PTPRT: variants seen among roughly 807,000 people sequenced by gnomAD.
PTPRT encodes the protein protein tyrosine phosphatase receptor type T, also known as receptor-type tyrosine-protein phosphatase T.
PTPRT carries 56 observed loss-of-function variants against 176.8 expected under a neutral mutation model. That is an observed-to-expected ratio of 0.32 (90% CI 0.26 to 0.40). PTPRT has a LOEUF of 0.40. Among genes scored for constraint, PTPRT ranks in the 10% least tolerant of loss-of-function variants. The pLI, the probability that PTPRT is intolerant of heterozygous loss-of-function variation, is 1.00. For missense variants in PTPRT, 1,540 were observed against 1,908.2 expected (o/e 0.81, Z 3.60); for synonymous variants, 783 against 739.0 (o/e 1.06, Z -0.96).
intron 2 of PTPRT, among the ~76,000 whole-genome samples, chr20:42,848,992 A>G (rs904998492): frequency 6.6e-6 from 1 of 152,176 alleles, no homozygotes; most frequent in East Asian, 1.9e-4. Context: ...ATTTTTGTAT[A>G]AGGTGAGAGA....
At chr20:42,557,165 C>T (rs1601259780) in intron 7 of PTPRT, among the ~76,000 whole-genome samples, 1 of 152,088 alleles carries the variant, frequency 6.6e-6, no homozygotes, top group Admixed American at 6.5e-5. Context: ...TTTGCGGGCT[C>T]ACCCCACAAC....
At chr20:42,430,300 T>C (rs949555949) in intron 9 of PTPRT, among the ~76,000 whole-genome samples, 21 of 152,232 alleles carry the variant, frequency 1.4e-4, no homozygotes, top group Non-Finnish European at 5.9e-5. Flanking sequence ...TAAATGTTCC[T>C]GGCATGATGG....
chr20:42,530,564 A>T (rs2145539001), intron 7 of PTPRT, among the ~76,000 whole-genome samples: 1 of 152,346 alleles, frequency 6.6e-6, no homozygotes, highest in Admixed American at 6.5e-5. Flanking sequence ...TGGGAAGAAG[A>T]GTTAATCAGA....
chr20:42,192,220 G>C (rs1189586131), intron 16 of PTPRT, among the ~76,000 whole-genome samples: 1 of 152,070 alleles, frequency 6.6e-6, no homozygotes, highest in African/African-American at 2.4e-5. Context: ...TCAGGGTCAG[G>C]CCAGTTTTCC....
chr20:42,224,102 G>C (rs1482970828), intron 15 of PTPRT, among the ~76,000 whole-genome samples: 1 of 152,090 alleles, frequency 6.6e-6, no homozygotes, highest in East Asian at 1.9e-4. Context: ...ATAAAAAACT[G>C]CTCCAGAAAG....
At chr20:42,387,823 G>T (rs376682213) in intron 9 of PTPRT, among the ~76,000 whole-genome samples, 2 of 144,238 alleles carry the variant, frequency 1.4e-5, no homozygotes, top group Non-Finnish European at 1.5e-5. Context: ...ATGAAGTCTC[G>T]CCCTGTCGCC....
At chr20:42,654,524 G>T (rs937151785) in intron 7 of PTPRT, among the ~76,000 whole-genome samples, 1 of 152,114 alleles carries the variant, frequency 6.6e-6, no homozygotes, top group Non-Finnish European at 1.5e-5. Context: ...CAAGCGGATG[G>T]TTACTACAGA....
intron 9 of PTPRT, among the ~76,000 whole-genome samples, chr20:42,432,709 C>T (rs552694876): frequency 6.6e-6 from 1 of 152,342 alleles, no homozygotes; most frequent in South Asian, 2.1e-4. Flanking sequence ...ACATTCCTTT[C>T]TGCTGATTCC....
intron 1 of PTPRT, among the ~76,000 whole-genome samples, chr20:43,066,802 A>T (rs1199275062): frequency 2.0e-5 from 3 of 152,198 alleles, no homozygotes; most frequent in Middle Eastern, 3.2e-3. Context: ...TGATGGGTCA[A>T]ATCTAACCCA....
chr20:43,115,037 G>A (rs114018290), intron 1 of PTPRT, among the ~76,000 whole-genome samples: 4,785 of 152,182 alleles, frequency 0.031, 263 homozygotes, highest in African/African-American at 0.11. Flanking sequence ...GGTTACATGC[G>A]CCATTTCATT....
At chr20:42,966,594 G>A (rs1982308875) in intron 1 of PTPRT, among the ~76,000 whole-genome samples, 1 of 152,178 alleles carries the variant, frequency 6.6e-6, no homozygotes, top group Non-Finnish European at 1.5e-5. Context: ...CATACACCCA[G>A]TGAACAAGAC....
At chr20:42,494,608 T>C (rs62205768) in intron 7 of PTPRT, among the ~76,000 whole-genome samples, 3,939 of 152,254 alleles carry the variant, frequency 0.026, 95 homozygotes, top group South Asian at 0.099. Flanking sequence ...TTTATTCTCT[T>C]GGCACTTGCA....
chr20:43,010,773 C>A (rs966917925), intron 1 of PTPRT, among the ~76,000 whole-genome samples: 1 of 151,948 alleles, frequency 6.6e-6, no homozygotes, highest in African/African-American at 2.4e-5. Flanking sequence ...GATTAATGCC[C>A]CCACTAACCA....
At chr20:42,287,126 A>G (rs2057243642) in intron 12 of PTPRT, among the ~76,000 whole-genome samples, 2 of 151,964 alleles carry the variant, frequency 1.3e-5, no homozygotes, top group African/African-American at 2.4e-5. Flanking sequence ...ACTCTTATAC[A>G]TTGTTGATGG....
Position 42,245,438 on chromosome 20 carries a change from T to C in PTPRT, c.2312+3249A>G, listed in dbSNP as rs1305566575. ...ATCCCATTTAAATCACCCACCAACA[T>C]CTCATATCCCTTTCTCCTTTTCGTT... On this transcript the variant is annotated intron_variant, in intron 14 of 30. Transcript: ENST00000373187. 3.3e-5 allele frequency among the ~76,000 whole-genome samples: 5 copies of C among 152,108 alleles called. No homozygotes were observed. The East Asian group carries it at 9.6e-4, about 29-fold the overall frequency.
At chr20:42,526,956 C>CTTTTTTTTTTTTTTTT (rs915511549) in intron 7 of PTPRT, among the ~76,000 whole-genome samples, 2 of 78,712 alleles carry the variant, frequency 2.5e-5, no homozygotes, top group Non-Finnish European at 2.3e-5. Flanking sequence ...GTTCTTTTTT[C>CTTTTTTTTTTTTTTTT]TTTTTTTTTT....
At chr20:42,053,597 G>C in the PTPRT span, among the ~76,000 whole-genome samples, 1 of 152,190 alleles carries the variant, frequency 6.6e-6, no homozygotes, top group Non-Finnish European at 1.5e-5. Context: ...ATATTAACAA[G>C]ATGCATGGAG....
intron 1 of PTPRT, among the ~76,000 whole-genome samples, chr20:43,072,533 G>A (rs561292217): frequency 6.6e-6 from 1 of 152,136 alleles, no homozygotes; most frequent in Admixed American, 6.5e-5. Flanking sequence ...AATAAAATCT[G>A]GCTGCAAACC....
intron 15 of PTPRT, among the ~76,000 whole-genome samples, chr20:42,224,912 T>C (rs570188773): frequency 6.6e-6 from 1 of 152,196 alleles, no homozygotes; most frequent in East Asian, 1.9e-4. Flanking sequence ...AACAAGCCTG[T>C]CCCCCAGCCC....
Sources: gnomAD v4.1 joint callset for allele counts (sites outside exome capture counted in the v4.1 genomes callset) on GRCh38, gnomAD v4.1.1 for gene constraint, MANE v1.5 for transcripts, NCBI Gene and HGNC (gene_info 2026-07-23, HGNC 2026-07-21) for gene names.